The following PSMD1 variants were observed in gnomAD, a reference collection of about 807,000 sequenced individuals.
The protein encoded by PSMD1 is 26S proteasome non-ATPase regulatory subunit 1.
Under a neutral mutation model 119.0 loss-of-function variants are expected in PSMD1, and 18 were observed. The ratio of observed to expected loss-of-function variants is 0.15; its 90% CI spans 0.10 to 0.22. PSMD1 has a LOEUF of 0.22. Ranked by LOEUF, PSMD1 falls within the 10% of genes least tolerant of loss-of-function variation. The pLI is 1.00. For synonymous variants in PSMD1, 374 were observed against 396.6 expected (o/e 0.94, Z 0.68); for missense variants, 702 against 1,158.5 (o/e 0.61, Z 5.72).
chr2:231,094,575 G>A (rs1297949371), intron 16 of PSMD1, among the ~76,000 whole-genome samples: 1 of 152,190 alleles, frequency 6.6e-6, no homozygotes, highest in Non-Finnish European at 1.5e-5. Flanking sequence ...TCCAGTGCCA[G>A]TATTAAGGCT....
chr2:231,162,311 A>G (rs965496109), intron 20 of PSMD1, among the ~76,000 whole-genome samples: 3 of 152,242 alleles, frequency 2.0e-5, no homozygotes, highest in Non-Finnish European at 4.4e-5. Context: ...CTAAATTTTC[A>G]GAGTGGAAAA....
intron 11 of PSMD1, 57 bp downstream of exon 11, chr2:231,079,671 T>C: frequency 1.8e-6 from 2 of 1,140,558 alleles, no homozygotes; most frequent in Admixed American, 2.6e-5. Flanking sequence ...TTTTCTGGGG[T>C]TAAGAAAAAA....
chr2:231,115,679 G>GGTATATTTCTTATT (rs1452297623), intron 16 of PSMD1, among the ~76,000 whole-genome samples: 1 of 152,136 alleles, frequency 6.6e-6, no homozygotes. Context: ...TTGCAGATGA[G>GGTATATTTCTTATT]TAAATTCAGG....
At chr2:231,163,813 G>T (rs1335813122) in intron 21 of PSMD1, 86 bp downstream of exon 21, 1 of 941,010 alleles carries the variant, frequency 1.1e-6, no homozygotes, top group East Asian at 2.6e-5. Context: ...TATCTTTTAT[G>T]TTTTAAAAGT....
intron 19 of PSMD1, among the ~76,000 whole-genome samples, chr2:231,161,079 G>A (rs542444976): frequency 6.6e-6 from 1 of 152,076 alleles, no homozygotes; most frequent in African/African-American, 2.4e-5. Flanking sequence ...AGGTGTGGCG[G>A]CCCGCACATG....
intron 16 of PSMD1, among the ~76,000 whole-genome samples, chr2:231,104,086 G>C (rs116440234): frequency 0.028 from 3,455 of 122,040 alleles, 68 homozygotes; most frequent in Non-Finnish European, 0.034. Flanking sequence ...CTCTTAAGTT[G>C]TTTTGTTTCC....
At chr2:231,123,578 T>C (rs1354217184) in intron 16 of PSMD1, 8 of 1,614,130 alleles carry the variant, frequency 5.0e-6, no homozygotes, top group Admixed American at 1.7e-5. Flanking sequence ...ATTATCACCA[T>C]GAGTATCAGA....
intron 1 of PSMD1, among the ~76,000 whole-genome samples, chr2:231,059,201 T>C (rs1693696054): frequency 6.6e-6 from 1 of 152,240 alleles, no homozygotes. Flanking sequence ...TATCCTGAGA[T>C]TCTGTGATGA....
intron 16 of PSMD1, among the ~76,000 whole-genome samples, chr2:231,118,648 C>T (rs990254768): frequency 3.9e-5 from 6 of 152,008 alleles, no homozygotes; most frequent in Non-Finnish European, 8.8e-5. Flanking sequence ...CTAGAAACCC[C>T]GTATCTTGAT....
intron 16 of PSMD1, among the ~76,000 whole-genome samples, chr2:231,121,948 A>C (rs1425435583): frequency 6.6e-6 from 1 of 151,964 alleles, no homozygotes; most frequent in Non-Finnish European, 1.5e-5. Context: ...CATGGAGATG[A>C]GAGCTAGAAT....
intron 19 of PSMD1, among the ~76,000 whole-genome samples, chr2:231,159,884 C>T (rs558650710): frequency 3.3e-4 from 50 of 152,194 alleles, no homozygotes; most frequent in Non-Finnish European, 5.9e-4. Context: ...TCATAAGGAA[C>T]GTTCAGCCTA....
At chr2:231,072,665 T>A (rs983322634) in intron 7 of PSMD1, among the ~76,000 whole-genome samples, 3 of 152,052 alleles carry the variant, frequency 2.0e-5, no homozygotes, top group Non-Finnish European at 2.9e-5. Flanking sequence ...CCAGACAACA[T>A]GTGTACTATT....
At chr2:231,080,371 T>G in intron 12 of PSMD1, 57 bp downstream of exon 12, 4 of 1,376,072 alleles carry the variant, frequency 2.9e-6, no homozygotes, top group Non-Finnish European at 3.9e-6. Context: ...GGATAACATA[T>G]TTGCCACATT....
At chr2:231,077,291 T>C in intron 9 of PSMD1, 129 bp downstream of exon 9, 1 of 794,858 alleles carries the variant, frequency 1.3e-6, no homozygotes, top group Non-Finnish European at 1.8e-6. Context: ...AGTATTTAAG[T>C]TTTGAAAAAA....
At chr2:231,165,399 T>TA in intron 22 of PSMD1, 113 bp downstream of exon 22, 1 of 1,241,784 alleles carries the variant, frequency 8.1e-7, no homozygotes, top group Non-Finnish European at 1.1e-6. Context: ...TTCAAACAAT[T>TA]ATCCTGTTGC....
intron 7 of PSMD1, among the ~76,000 whole-genome samples, chr2:231,074,178 C>G (rs897228243): frequency 6.6e-6 from 1 of 152,164 alleles, no homozygotes; most frequent in Admixed American, 6.5e-5. Context: ...GATCTCAGCT[C>G]ACTGCATCCT....
chr2:231,146,538 T>G (rs1371257549), intron 18 of PSMD1, among the ~76,000 whole-genome samples, 182 bp downstream of exon 18: 1 of 108,020 alleles, frequency 9.3e-6, no homozygotes. Context: ...GCTCTTTAAA[T>G]GTATTTTTTA....
chr2:231,138,679 G>A, intron 16 of PSMD1, 57 bp from the exon 17 acceptor site: 1 of 1,321,000 alleles, frequency 7.6e-7, no homozygotes, highest in South Asian at 1.2e-5. Context: ...AAACTCTTCT[G>A]TCTTAACTTA....
intron 16 of PSMD1, among the ~76,000 whole-genome samples, chr2:231,102,966 A>G (rs1694904697): frequency 6.6e-6 from 1 of 152,224 alleles, no homozygotes; most frequent in Non-Finnish European, 1.5e-5. Flanking sequence ...TAGATGAGTC[A>G]TACGTCTTAT....
Sources: gnomAD v4.1 joint callset for allele counts (sites outside exome capture counted in the v4.1 genomes callset) on GRCh38, gnomAD v4.1.1 for gene constraint, MANE v1.5 for transcripts, NCBI Gene and HGNC (gene_info 2026-07-23, HGNC 2026-07-21) for gene names.